The following GNG4 variants were observed in gnomAD, a reference collection of about 807,000 sequenced individuals.
The protein encoded by GNG4 is G protein subunit gamma 4.
A neutral mutation model predicts 5.8 loss-of-function variants in GNG4; 4 were observed. The ratio of observed to expected loss-of-function variants is 0.69; its 90% CI spans 0.34 to 1.57. The LOEUF is 1.57. Among genes scored for constraint, GNG4 ranks in the 40% most tolerant of loss-of-function variants. GNG4 has a pLI of 0.06. For synonymous variants in GNG4, 29 were observed against 32.9 expected, an observed-to-expected ratio of 0.88 and a Z score of 0.41; for missense variants, 96 against 95.1, an observed-to-expected ratio of 1.01 and a Z score of -0.04.
chr1:235,587,326 A>T lies in GNG4; in HGVS notation c.-10-3478T>A, dbSNP rs111206097. Among the ~76,000 whole-genome samples, 24 of 20,528 alleles carry T rather than the reference A, an allele frequency of 1.2e-3. 1 individual carries two copies. The Admixed American group carries it at 0.013, about 11-fold the overall frequency. 13.5% of individuals were successfully genotyped at this position (20,528 alleles called of 152,430 possible). On this transcript the variant is annotated intron_variant, in intron 2 of 3. Transcript: ENST00000391854. ...TGAGGGTGAGGGGTGTGTGTGTGTG[A>T]GAGTGTGAGAGCATGTATGAGGGTC...
chr1:235,599,940 G>C (rs1355637890), intron 1 of GNG4, among the ~76,000 whole-genome samples: 2 of 151,878 alleles, frequency 1.3e-5, no homozygotes, highest in African/African-American at 4.8e-5. Context: ...TCCATCCAAC[G>C]CTTGAAATGT....
rs1686618125 is a variant in GNG4 at position 235,547,742 on chromosome 1, C to T, written c.*4367G>A. On this transcript the variant is annotated 3_prime_UTR_variant, in exon 4 of 4. Transcript: ENST00000391854. ...GTATAACATACACACAGAAAAGTGC[C>T]CAGATCAAAAGTGTACAGCTCCAAG... The T allele has an allele frequency of 6.6e-6, 1 of 151,968 alleles. No individual in the cohort carries two copies. Among genetic ancestry groups the T allele is most frequent in the African/African-American group, 2.4e-5 (1 of 41,350 alleles). The allele number at this position is 151,968 out of a possible 1,614,324, so 9.4% of individuals were successfully genotyped here.
intron 1 of GNG4, among the ~76,000 whole-genome samples, chr1:235,634,195 T>C (rs776216741): frequency 5.3e-5 from 8 of 152,198 alleles, no homozygotes; most frequent in Non-Finnish European, 1.2e-4. Flanking sequence ...TCAATGCCCT[T>C]GTGTCACGAG....
intron 1 of GNG4, among the ~76,000 whole-genome samples, chr1:235,600,440 A>ATGTGTGTGTGTG (rs1558492719): frequency 9.0e-6 from 1 of 111,546 alleles, no homozygotes; most frequent in Non-Finnish European, 1.7e-5. Context: ...GTGTGTGTGT[A>ATGTGTGTGTGTG]TATGTGTGTG....
chr1:235,608,873 G>A (rs1688418601), intron 1 of GNG4, among the ~76,000 whole-genome samples: 2 of 151,938 alleles, frequency 1.3e-5, no homozygotes, highest in Non-Finnish European at 1.5e-5. Context: ...TAGTAGAGAC[G>A]GGGTTTTGCC....
At chr1:235,563,198 G>A (rs755606360) in intron 3 of GNG4, among the ~76,000 whole-genome samples, 3 of 151,754 alleles carry the variant, frequency 2.0e-5, no homozygotes, top group African/African-American at 7.3e-5. Context: ...TGAGGTGGGC[G>A]GGTCACTTAA....
At chr1:235,570,671 A>AT (rs1259139060) in intron 3 of GNG4, among the ~76,000 whole-genome samples, 2 of 151,602 alleles carry the variant, frequency 1.3e-5, no homozygotes, top group African/African-American at 4.8e-5. Flanking sequence ...AAGTGCTGGG[A>AT]TTACAGGCAT....
rs901035809 is a variant in GNG4 at position 235,606,943 on chromosome 1, C to T, written c.-122-11432G>A. Among the ~76,000 whole-genome samples, 1,393 of 143,952 alleles carry T rather than the reference C, an allele frequency of 9.7e-3. 16 individuals carry two copies. The highest frequency in any genetic ancestry group is 0.013 in the Non-Finnish European group (905 of 67,052). 94.4% of individuals were successfully genotyped at this position (143,952 alleles called of 152,430 possible). A position where few individuals can be genotyped will look rare whatever the true frequency, so the allele number is the denominator to read the frequency against. The stretch of plus-strand genomic sequence containing the variant: ...CCCTCCCTCCCTCCTTCCTTTCTTT[C>T]CTTTTTTTTTTTTTTTTTTTTGAGA... On this transcript the variant is annotated intron_variant, in intron 1 of 3. Coordinates refer to ENST00000391854, the MANE Select transcript of GNG4 (RefSeq NM_001098722.2).
chr1:235,570,740 G>A (rs996798434), intron 3 of GNG4, among the ~76,000 whole-genome samples: 1 of 151,678 alleles, frequency 6.6e-6, no homozygotes, highest in African/African-American at 2.4e-5. Flanking sequence ...CTGTCATCCA[G>A]GCTCGAGTGC....
intron 3 of GNG4, among the ~76,000 whole-genome samples, chr1:235,581,637 A>AC (rs1398889642): frequency 6.6e-6 from 1 of 151,502 alleles, no homozygotes; most frequent in African/African-American, 2.4e-5. Context: ...AGGCCTCCGC[A>AC]CCCTCCGCCC....
intron 2 of GNG4, among the ~76,000 whole-genome samples, chr1:235,588,092 A>G (rs1162890266): frequency 6.6e-6 from 1 of 151,936 alleles, no homozygotes; most frequent in Non-Finnish European, 1.5e-5. Flanking sequence ...CTGATCCCTC[A>G]GCCCTTCCTC....
At chr1:235,645,797 C>CAAAAAAAAAAAAAAAAAAAAAAA (rs6143682) in intron 1 of GNG4, among the ~76,000 whole-genome samples, 1 of 90,384 alleles carries the variant, frequency 1.1e-5, no homozygotes, top group African/African-American at 4.1e-5. Context: ...AACTCAGTCT[C>CAAAAAAAAAAAAAAAAAAAAAAA]AAAAAAAAAA....
At position 235,644,236 on chromosome 1, in the gene GNG4, G is replaced by A. The variant is rs1297504485; in HGVS notation, c.-123+5426C>T. On this transcript the variant is annotated intron_variant, in intron 1 of 3. Transcript: ENST00000391854. This position sits in a 1 kb window ranked among gnomAD's most constrained non-coding sequence, Gnocchi z 5.9. ...TAAAATTCAGCCACAGCGGGAGGGAGCGTGTGAGACCCACGAAGGCCTTGC... is the reference window on the plus strand; with the variant it reads ...TAAAATTCAGCCACAGCGGGAGGGAACGTGTGAGACCCACGAAGGCCTTGC... Among the ~76,000 whole-genome samples, 3 of 152,234 alleles carry A rather than the reference G, an allele frequency of 2.0e-5. No homozygotes were observed. Among genetic ancestry groups the A allele is most frequent in the Non-Finnish European group, 4.4e-5 (3 of 68,050 alleles).
intron 1 of GNG4, among the ~76,000 whole-genome samples, chr1:235,608,706 C>T (rs1367126265): frequency 1.4e-5 from 2 of 146,002 alleles, no homozygotes; most frequent in Admixed American, 6.9e-5. Flanking sequence ...TTTTTTGAGA[C>T]GGAGTCTCAC....
At chr1:235,584,386 C>T (rs549269720) in intron 2 of GNG4, among the ~76,000 whole-genome samples, 1 of 152,338 alleles carries the variant, frequency 6.6e-6, no homozygotes, top group East Asian at 1.9e-4. Flanking sequence ...CCGAGTGTCT[C>T]AAATGGCCTC....
intron 3 of GNG4, among the ~76,000 whole-genome samples, chr1:235,571,140 C>T (rs570634682): frequency 2.6e-5 from 4 of 151,776 alleles, no homozygotes; most frequent in African/African-American, 7.3e-5. Flanking sequence ...ATTGGGTAAA[C>T]GGTAGGAATA....
intron 1 of GNG4, among the ~76,000 whole-genome samples, chr1:235,596,195 A>C (rs948083721): frequency 3.2e-5 from 4 of 126,344 alleles, no homozygotes; most frequent in Admixed American, 8.5e-5. Context: ...CAAAACAAAA[A>C]CAAACAAACA....
chr1:235,593,071 C>CA lies in GNG4; in HGVS notation c.-11+2328_-11+2329insT, dbSNP rs554186532. On this transcript the variant is annotated intron_variant, in intron 2 of 3. Coordinates refer to ENST00000391854, the MANE Select transcript of GNG4 (RefSeq NM_001098722.2). ...TCAAGCAATTCTTCTGCCTCAGCCT[C>CA]CTGAGTAGTTGGGATTACAGGTGCG... is the stretch of plus-strand genomic sequence containing the variant. 6.1e-4 allele frequency among the ~76,000 whole-genome samples: 93 copies of CA among 152,102 alleles called. No homozygotes were observed. The East Asian group carries it at 0.013, about 21-fold the overall frequency.
rs1484727812 is a variant in GNG4 at position 235,648,720 on chromosome 1, G to A, written c.-123+942C>T. Among the ~76,000 whole-genome samples, 1 of 152,254 alleles carries A rather than the reference G, an allele frequency of 6.6e-6. No individual in the cohort carries two copies. The highest frequency in any genetic ancestry group is 1.5e-5 in the Non-Finnish European group (1 of 68,042). On this transcript the variant is annotated intron_variant, in intron 1 of 3. Transcript: ENST00000391854. This position sits in a 1 kb window ranked among gnomAD's most constrained non-coding sequence, Gnocchi z 5.0. ...GCAGCCTAGGCGGCCTTTTGCTCCG[G>A]CTGAGAGGCACGGGCCCGGTGCCAG...
Sources: allele counts gnomAD v4.1 joint callset (sites outside exome capture counted in the v4.1 genomes callset), GRCh38; gene constraint gnomAD v4.1.1; non-coding constraint Gnocchi (gnomAD v3.1); transcripts MANE v1.5; gene names NCBI Gene and HGNC (gene_info 2026-07-23, HGNC 2026-07-21).